Variants in NAALADL2 observed in about 807,000 individuals in gnomAD.
NAALADL2 encodes N-acetylated alpha-linked acidic dipeptidase like 2, also known as inactive N-acetylated-alpha-linked acidic dipeptidase-like protein 2.
A neutral mutation model predicts 87.2 loss-of-function variants in NAALADL2; 76 were observed. The observed-to-expected ratio is 0.87, with a 90% confidence interval of 0.72 to 1.05. The LOEUF (loss-of-function observed/expected upper bound fraction) is 1.05. Among genes scored for constraint, NAALADL2 ranks in the 50% least tolerant of loss-of-function variants. NAALADL2 has a pLI of 0.00. For synonymous variants in NAALADL2, 354 were observed against 331.0 expected (o/e 1.07, Z -0.75); for missense variants, 1,089 against 945.8 (o/e 1.15, Z -1.99).
At chr3:175,757,751 G>T (rs1040625822) in intron 13 of NAALADL2, among the ~76,000 whole-genome samples, 7 of 151,908 alleles carry the variant, frequency 4.6e-5, no homozygotes, top group African/African-American at 1.7e-4. Context: ...GGTGGGAATG[G>T]GGAAACAGAA....
At chr3:175,591,503 C>G (rs913536579) in intron 10 of NAALADL2, among the ~76,000 whole-genome samples, 8 of 151,688 alleles carry the variant, frequency 5.3e-5, no homozygotes, top group African/African-American at 1.7e-4. Flanking sequence ...TAATTGAGCA[C>G]AAACAATGTG....
At chr3:175,339,399 G>A (rs16825471) in intron 5 of NAALADL2, among the ~76,000 whole-genome samples, 1 of 152,026 alleles carries the variant, frequency 6.6e-6, no homozygotes, top group Non-Finnish European at 1.5e-5. Context: ...TTCACAATTT[G>A]AGATTTCTAT....
intron 3 of NAALADL2, among the ~76,000 whole-genome samples, chr3:174,772,835 A>G (rs1345275230): frequency 6.6e-6 from 1 of 152,200 alleles, no homozygotes; most frequent in East Asian, 1.9e-4. Flanking sequence ...ATAAAGTTCT[A>G]AAGTGCAATC....
intron 1 of NAALADL2, among the ~76,000 whole-genome samples, chr3:174,443,544 T>G (rs983488941): frequency 1.3e-5 from 2 of 152,202 alleles, no homozygotes; most frequent in African/African-American, 4.8e-5. Flanking sequence ...AATGGAAATG[T>G]CAAGCATGCA....
At chr3:174,769,704 A>AT (rs11289362) in intron 3 of NAALADL2, among the ~76,000 whole-genome samples, 2 of 150,888 alleles carry the variant, frequency 1.3e-5, no homozygotes, top group Non-Finnish European at 3.0e-5. Flanking sequence ...CCAGTAACAT[A>AT]TTTTTTTTCT....
intron 11 of NAALADL2, among the ~76,000 whole-genome samples, chr3:175,702,860 A>G (rs1018747715): frequency 6.6e-6 from 1 of 152,132 alleles, no homozygotes; most frequent in Non-Finnish European, 1.5e-5. Flanking sequence ...ATGGGTCAAA[A>G]GAATAGATCC....
intron 11 of NAALADL2, among the ~76,000 whole-genome samples, chr3:175,683,790 T>C (rs991240170): frequency 6.6e-6 from 1 of 152,060 alleles, no homozygotes; most frequent in African/African-American, 2.4e-5. Flanking sequence ...AAGGTGGTAG[T>C]CTTTTCCTTC....
intron 1 of NAALADL2, among the ~76,000 whole-genome samples, chr3:175,018,247 G>T (rs981200121): frequency 6.6e-6 from 1 of 151,934 alleles, no homozygotes; most frequent in Non-Finnish European, 1.5e-5. Context: ...TACACAAGGT[G>T]AATTGGTCAT....
chr3:174,788,728 A>C (rs1717108073), intron 3 of NAALADL2, among the ~76,000 whole-genome samples: 1 of 152,142 alleles, frequency 6.6e-6, no homozygotes, highest in South Asian at 2.1e-4. Context: ...TGGAATAAGG[A>C]AAAAGAGGTG....
intron 1 of NAALADL2, among the ~76,000 whole-genome samples, chr3:174,963,602 C>T (rs1579752317): frequency 6.6e-6 from 1 of 152,018 alleles, no homozygotes; most frequent in Non-Finnish European, 1.5e-5. Context: ...TTTCACACGG[C>T]GTTGTGATGA....
At chr3:174,692,647 T>C in intron 2 of NAALADL2, among the ~76,000 whole-genome samples, 1 of 152,108 alleles carries the variant, frequency 6.6e-6, no homozygotes, top group Non-Finnish European at 1.5e-5. Flanking sequence ...AAAAAGAATG[T>C]TCGGAAACCT....
At chr3:175,002,413 G>A (rs916386220) in intron 1 of NAALADL2, among the ~76,000 whole-genome samples, 4 of 152,082 alleles carry the variant, frequency 2.6e-5, no homozygotes, top group Non-Finnish European at 5.9e-5. Flanking sequence ...AAGTGATGAA[G>A]AGAAGTTAAT....
At chr3:174,780,700 G>A (rs571016430) in intron 3 of NAALADL2, among the ~76,000 whole-genome samples, 1 of 152,120 alleles carries the variant, frequency 6.6e-6, no homozygotes, top group East Asian at 1.9e-4. Flanking sequence ...AAGCGCTGTG[G>A]AATTTTATCA....
At chr3:174,538,229 T>C (rs895649414) in intron 1 of NAALADL2, among the ~76,000 whole-genome samples, 5 of 152,244 alleles carry the variant, frequency 3.3e-5, no homozygotes, top group Non-Finnish European at 5.9e-5. Context: ...AAAAATAAAA[T>C]TCTAAGTCCC....
At chr3:175,500,807 T>C (rs1729438545) in intron 9 of NAALADL2, among the ~76,000 whole-genome samples, 1 of 152,120 alleles carries the variant, frequency 6.6e-6, no homozygotes, top group African/African-American at 2.4e-5. Context: ...AATGTGAACT[T>C]AAGAATCTGG....
In NAALADL2 at chr3:175,099,234, T is replaced by C. The variant is rs564342408; in HGVS notation, c.545+1943T>C. ...AATAATTACATTAAAATATTCATTATTTCTCTCAGAATGGAAGCTGCATGA... is the reference window on the plus strand; with the variant it reads ...AATAATTACATTAAAATATTCATTACTTCTCTCAGAATGGAAGCTGCATGA... On this transcript the variant is annotated intron_variant, in intron 2 of 13. Transcript: ENST00000454872. Among the ~76,000 whole-genome samples the C allele has an allele frequency of 3.9e-5, 6 of 152,290 alleles. No homozygotes were observed. In the East Asian group the frequency reaches 1.2e-3, roughly 29 times the overall value.
At chr3:174,545,678 A>G (rs903829003) in intron 1 of NAALADL2, among the ~76,000 whole-genome samples, 2 of 151,370 alleles carry the variant, frequency 1.3e-5, no homozygotes, top group African/African-American at 4.9e-5. Flanking sequence ...TTTTATTGTT[A>G]CTATTGTGAT....
At chr3:174,787,119 G>A (rs1213330697) in intron 3 of NAALADL2, among the ~76,000 whole-genome samples, 1 of 151,862 alleles carries the variant, frequency 6.6e-6, no homozygotes, top group East Asian at 1.9e-4. Context: ...GACATATGAA[G>A]TGAAATGACC....
upstream of NAALADL2, among the ~76,000 whole-genome samples, chr3:174,855,758 G>T (rs989230817): frequency 1.4e-4 from 19 of 138,732 alleles, no homozygotes; most frequent in African/African-American, 4.1e-4. Flanking sequence ...TGGCATAACA[G>T]AGTGTCAGGA....
Sources: allele counts gnomAD v4.1 joint callset (sites outside exome capture counted in the v4.1 genomes callset), GRCh38; gene constraint gnomAD v4.1.1; transcripts MANE v1.5; gene names NCBI Gene and HGNC (gene_info 2026-07-23, HGNC 2026-07-21).